The following MDGA2 variants were observed in gnomAD, a reference collection of about 807,000 sequenced individuals.
MDGA2 encodes MAM domain containing glycosylphosphatidylinositol anchor 2.
A neutral mutation model predicts 117.8 loss-of-function variants in MDGA2; 40 were observed. The observed-to-expected ratio is 0.34, with a 90% confidence interval of 0.26 to 0.44. MDGA2 has a LOEUF of 0.44. Among genes scored for constraint, MDGA2 ranks in the 20% least tolerant of loss-of-function variants. MDGA2 has a pLI of 1.00. For missense variants in MDGA2, 1,123 were observed against 1,250.6 expected, an observed-to-expected ratio of 0.90 and a Z score of 1.54; for synonymous variants, 452 against 439.0, an observed-to-expected ratio of 1.03 and a Z score of -0.37.
intron 5 of MDGA2, among the ~76,000 whole-genome samples, chr14:47,098,342 T>C (rs990953714): frequency 4.6e-5 from 7 of 151,496 alleles, no homozygotes; most frequent in Non-Finnish European, 1.5e-5. Flanking sequence ...GAAGTGCCTG[T>C]ATGACCTTTT....
intron 1 of MDGA2, among the ~76,000 whole-genome samples, chr14:47,402,467 C>A (rs1892174601): frequency 6.6e-6 from 1 of 151,910 alleles, no homozygotes; most frequent in Admixed American, 6.6e-5. Flanking sequence ...TGCCACATTT[C>A]CAGCTCACTA....
chr14:47,204,611 T>C (rs1885617950), intron 3 of MDGA2, among the ~76,000 whole-genome samples: 1 of 151,914 alleles, frequency 6.6e-6, no homozygotes, highest in African/African-American at 2.4e-5. Context: ...TCTTCATTCC[T>C]AGTATTATTC....
intron 10 of MDGA2, among the ~76,000 whole-genome samples, chr14:46,899,261 CTT>C (rs1235757526): frequency 6.6e-6 from 1 of 151,934 alleles, no homozygotes; most frequent in Non-Finnish European, 1.5e-5. Flanking sequence ...CCTCCCCACC[CTT>C]TTTTTCCCAA....
chr14:46,840,002 A>T (rs561270740), downstream of MDGA2: 3 of 152,304 alleles, frequency 2.0e-5, no homozygotes, highest in East Asian at 5.8e-4. Context: ...AGCACTGAAG[A>T]TTTATCCCAT....
At chr14:47,017,487 T>C (rs991191108) in intron 8 of MDGA2, among the ~76,000 whole-genome samples, 3 of 151,886 alleles carry the variant, frequency 2.0e-5, no homozygotes, top group Non-Finnish European at 4.4e-5. Context: ...AAAAGGGAAA[T>C]GAGAAGAGTC....
chr14:46,937,197 C>A (rs905504016), intron 9 of MDGA2, among the ~76,000 whole-genome samples: 1 of 151,430 alleles, frequency 6.6e-6, no homozygotes, highest in African/African-American at 2.4e-5. Context: ...TTACAACAGG[C>A]ACACCGCTCC....
At chr14:47,114,457 TAGCC>T (rs1194466129) in intron 5 of MDGA2, among the ~76,000 whole-genome samples, 1 of 152,160 alleles carries the variant, frequency 6.6e-6, no homozygotes, top group East Asian at 1.9e-4. Flanking sequence ...AGAGCCCATA[TAGCC>T]AAGACAATCC....
intron 3 of MDGA2, among the ~76,000 whole-genome samples, chr14:47,194,474 G>A (rs1305782203): frequency 2.0e-5 from 3 of 152,004 alleles, no homozygotes; most frequent in Non-Finnish European, 2.9e-5. Flanking sequence ...AAGTTGTTGA[G>A]CCTTTTAAAA....
At chr14:47,105,453 C>T (rs1305909830) in intron 5 of MDGA2, among the ~76,000 whole-genome samples, 4 of 151,680 alleles carry the variant, frequency 2.6e-5, no homozygotes, top group Admixed American at 1.3e-4. Flanking sequence ...TTCCATTCCT[C>T]CTTCTTCTCC....
chr14:47,387,581 G>A (rs141996844), intron 1 of MDGA2, among the ~76,000 whole-genome samples: 28 of 152,212 alleles, frequency 1.8e-4, no homozygotes, highest in Admixed American at 7.9e-4. Context: ...AGAAGTTGCC[G>A]AAGTTGTTCT....
At chr14:47,657,869 T>A (rs1479598664) in intron 1 of MDGA2, among the ~76,000 whole-genome samples, 1 of 152,178 alleles carries the variant, frequency 6.6e-6, no homozygotes, top group Non-Finnish European at 1.5e-5. Context: ...TTGCAGGATA[T>A]GACACAGTCC....
intron 1 of MDGA2, among the ~76,000 whole-genome samples, chr14:47,453,620 G>A (rs1422016254): frequency 6.6e-6 from 1 of 151,968 alleles, no homozygotes. Context: ...CCTCATCTAT[G>A]AGCCAAATTG....
chr14:47,252,089 T>A (rs1887466967), intron 2 of MDGA2, among the ~76,000 whole-genome samples: 1 of 152,066 alleles, frequency 6.6e-6, no homozygotes, highest in Non-Finnish European at 1.5e-5. Flanking sequence ...TCACTTTCAA[T>A]CCAGATTTGT....
At position 47,249,309 on chromosome 14, in the gene MDGA2, G is replaced by GC. The variant is rs1887366679; in HGVS notation, c.421-31115dup. On this transcript the variant is annotated intron_variant, in intron 2 of 16. Coordinates refer to ENST00000399232, the MANE Select transcript of MDGA2 (RefSeq NM_001113498.3). ...TGAGATTACAGGCATGAGTCACCACGCCCGGCCTCTTTCTTTCTTTCTTTC... is the reference window on the plus strand; with the variant it reads ...TGAGATTACAGGCATGAGTCACCACGCCCCGGCCTCTTTCTTTCTTTCTTTC... Among the ~76,000 whole-genome samples, 3 of 151,764 alleles carry GC rather than the reference G, an allele frequency of 2.0e-5. No homozygotes were observed. The South Asian group carries it at 6.3e-4, about 32-fold the overall frequency.
chr14:47,489,103 G>A (rs1412070597), intron 1 of MDGA2, among the ~76,000 whole-genome samples: 1 of 151,722 alleles, frequency 6.6e-6, no homozygotes, highest in East Asian at 1.9e-4. Context: ...AAAAAGATGT[G>A]GACAATTTAA....
At chr14:47,636,886 C>T (rs1472086329) in intron 1 of MDGA2, among the ~76,000 whole-genome samples, 1 of 142,540 alleles carries the variant, frequency 7.0e-6, no homozygotes, top group African/African-American at 2.6e-5. Flanking sequence ...GCAGGAGAAT[C>T]ACTTGAATCC....
At chr14:46,957,982 C>A (rs895637023) in intron 8 of MDGA2, among the ~76,000 whole-genome samples, 1 of 152,006 alleles carries the variant, frequency 6.6e-6, no homozygotes, top group East Asian at 1.9e-4. Context: ...TGTTTGGGGT[C>A]CTTTGTCTAA....
intron 1 of MDGA2, among the ~76,000 whole-genome samples, chr14:47,518,843 A>G (rs536815562): frequency 4.6e-5 from 7 of 152,296 alleles, no homozygotes; most frequent in South Asian, 4.1e-4. Flanking sequence ...AGGCTATCAT[A>G]ATTTTTACTG....
At position 46,993,246 on chromosome 14, in the gene MDGA2, G is replaced by A. The variant is rs184106275; in HGVS notation, c.1820-35603C>T. Among the ~76,000 whole-genome samples the A allele has an allele frequency of 6.1e-3, 928 of 152,104 alleles. 11 individuals carry two copies. The highest frequency in any genetic ancestry group is 5.2e-3 in the Non-Finnish European group (352 of 67,990). ...TATCCATTATTCATAATTGAACAGA[G>A]ATTGCTTGAAAACACCTGGAAGCAA... On this transcript the variant is annotated intron_variant, in intron 8 of 16. Coordinates refer to ENST00000399232, the MANE Select transcript of MDGA2 (RefSeq NM_001113498.3).
Sources: allele counts gnomAD v4.1 joint callset (sites outside exome capture counted in the v4.1 genomes callset), GRCh38; gene constraint gnomAD v4.1.1; transcripts MANE v1.5; gene names NCBI Gene and HGNC (gene_info 2026-07-23, HGNC 2026-07-21).